GRIK1: variants seen among roughly 807,000 people sequenced by gnomAD.
The protein encoded by GRIK1 is glutamate receptor ionotropic, kainate 1.
GRIK1 carries 69 observed loss-of-function variants against 105.7 expected under a neutral mutation model. The observed-to-expected ratio is 0.65, with a 90% CI of 0.54 to 0.80. GRIK1 has a LOEUF of 0.80. GRIK1 is among the 30% of genes least tolerant of loss of function. The pLI is 0.00. For synonymous variants in GRIK1, 438 were observed against 431.3 expected (o/e 1.02, Z -0.19); for missense variants, 1,109 against 1,167.3 (o/e 0.95, Z 0.73).
chr21:29,846,261 GCCTGTAAT>G (rs1387485953), intron 1 of GRIK1, among the ~76,000 whole-genome samples: 1 of 151,586 alleles, frequency 6.6e-6, no homozygotes, highest in Non-Finnish European at 1.5e-5. Context: ...CGTGGCGCAT[GCCTGTAAT>G]CCCAGCTACT....
chr21:29,810,540 T>G (rs781308940), intron 1 of GRIK1, among the ~76,000 whole-genome samples: 1 of 152,146 alleles, frequency 6.6e-6, no homozygotes, highest in Non-Finnish European at 1.5e-5. Context: ...GTTCCCATTT[T>G]CCTTCTTTAA....
At chr21:29,813,397 G>T (rs892455307) in intron 1 of GRIK1, among the ~76,000 whole-genome samples, 4 of 152,116 alleles carry the variant, frequency 2.6e-5, no homozygotes, top group Admixed American at 6.6e-5. Context: ...CACCTAATTA[G>T]ATGAGTCCTC....
chr21:29,557,044 C>G (rs1941228890), intron 15 of GRIK1, among the ~76,000 whole-genome samples: 1 of 152,104 alleles, frequency 6.6e-6, no homozygotes, highest in Admixed American at 6.5e-5. Flanking sequence ...TGCCACTGAA[C>G]TTTTAATTAT....
At chr21:29,668,818 T>C (rs1170345279) in intron 4 of GRIK1, among the ~76,000 whole-genome samples, 2 of 152,116 alleles carry the variant, frequency 1.3e-5, no homozygotes, top group Non-Finnish European at 2.9e-5. Context: ...AGGGTGTATA[T>C]GAAGGATAAA....
intron 1 of GRIK1, among the ~76,000 whole-genome samples, chr21:29,808,117 AT>A (rs571541236): frequency 2.0e-5 from 3 of 152,142 alleles, no homozygotes; most frequent in Non-Finnish European, 4.4e-5. Context: ...AAGAGCCCAG[AT>A]TACCATTTTC....
intron 3 of GRIK1, among the ~76,000 whole-genome samples, chr21:29,684,758 C>G (rs1185528165): frequency 6.6e-6 from 1 of 152,140 alleles, no homozygotes; most frequent in African/African-American, 2.4e-5. Context: ...GATCCACCTG[C>G]CTTGGCCTTC....
intron 6 of GRIK1, among the ~76,000 whole-genome samples, chr21:29,643,725 G>A (rs963469933): frequency 5.9e-5 from 9 of 152,100 alleles, no homozygotes; most frequent in Non-Finnish European, 8.8e-5. Context: ...CTTCCCTGTG[G>A]TTTCCTTTAG....
intron 7 of GRIK1, among the ~76,000 whole-genome samples, chr21:29,612,804 GCTAT>G (rs1347626608): frequency 6.6e-6 from 1 of 152,104 alleles, no homozygotes; most frequent in African/African-American, 2.4e-5. Context: ...CCGCTAATAG[GCTAT>G]GCATTGATTT....
intron 1 of GRIK1, among the ~76,000 whole-genome samples, chr21:29,718,137 A>G (rs73354535): frequency 0.059 from 8,930 of 152,232 alleles, 447 homozygotes; most frequent in African/African-American, 0.12. Context: ...GCTAAACTAT[A>G]AGTCAATTAA....
chr21:29,594,821 G>A (rs574764844), intron 9 of GRIK1, among the ~76,000 whole-genome samples: 1 of 152,082 alleles, frequency 6.6e-6, no homozygotes, highest in Non-Finnish European at 1.5e-5. Flanking sequence ...CCTGTATTAC[G>A]AACCTTATAT....
At chr21:29,685,800 C>T (rs2063476860) in intron 3 of GRIK1, among the ~76,000 whole-genome samples, 2 of 152,190 alleles carry the variant, frequency 1.3e-5, no homozygotes, top group Non-Finnish European at 2.9e-5. Context: ...TTTCTCCTGA[C>T]CCCCGGTATC....
intron 4 of GRIK1, among the ~76,000 whole-genome samples, chr21:29,660,949 T>C (rs2062950733): frequency 6.6e-6 from 1 of 152,200 alleles, no homozygotes; most frequent in African/African-American, 2.4e-5. Context: ...CGAGCAGCAA[T>C]TTTAAGATGA....
At chr21:29,699,366 A>T (rs1378717035) in intron 1 of GRIK1, among the ~76,000 whole-genome samples, 1 of 152,158 alleles carries the variant, frequency 6.6e-6, no homozygotes, top group Non-Finnish European at 1.5e-5. Flanking sequence ...ACTGGGCCTT[A>T]TAAGAAGGGA....
intron 1 of GRIK1, among the ~76,000 whole-genome samples, chr21:29,927,913 CACACACATATACATATATAT>C (rs1378752994): frequency 1.3e-5 from 2 of 151,958 alleles, no homozygotes; most frequent in South Asian, 2.1e-4. Flanking sequence ...TATACATATA[CACACACATATACATATATAT>C]ACACACATAT....
At position 29,868,011 on chromosome 21, in the gene GRIK1, G is replaced by C. The variant is rs1438944384; in HGVS notation, c.118+71372C>G. On this transcript the variant is annotated intron_variant, in intron 1 of 17. Transcript: ENST00000327783. ...GGAGAGAAGGAGAGAAAGAAAGAAA[G>C]AAAAGACAGAAAGAAAGGAAGGAAG... is the stretch of plus-strand genomic sequence containing the variant. Among the ~76,000 whole-genome samples, 4 of 147,408 alleles carry C rather than the reference G, an allele frequency of 2.7e-5. 1 individual carries two copies. Among genetic ancestry groups the C allele is most frequent in the African/African-American group, 1.0e-4 (4 of 39,192 alleles).
intron 1 of GRIK1, among the ~76,000 whole-genome samples, chr21:29,884,341 G>T (rs373884553): frequency 3.3e-5 from 5 of 151,828 alleles, no homozygotes; most frequent in Non-Finnish European, 5.9e-5. Flanking sequence ...CTATCCTATC[G>T]TAAAATGTTT....
chr21:29,645,016 A>G (rs1439209198), intron 6 of GRIK1, among the ~76,000 whole-genome samples: 1 of 152,222 alleles, frequency 6.6e-6, no homozygotes, highest in Non-Finnish European at 1.5e-5. Flanking sequence ...CGTTAACCAT[A>G]AAGCTGTGCT....
At chr21:29,811,379 A>G (rs1264739698) in intron 1 of GRIK1, among the ~76,000 whole-genome samples, 2 of 152,146 alleles carry the variant, frequency 1.3e-5, no homozygotes, top group African/African-American at 4.8e-5. Flanking sequence ...GTTTCCTTTT[A>G]GGGATCACAT....
At chr21:29,815,749 C>T (rs141356424) in intron 1 of GRIK1, among the ~76,000 whole-genome samples, 1 of 152,064 alleles carries the variant, frequency 6.6e-6, no homozygotes, top group African/African-American at 2.4e-5. Context: ...TACTCAACAA[C>T]TATCACCGGT....
Sources: allele counts gnomAD v4.1 joint callset (sites outside exome capture counted in the v4.1 genomes callset), GRCh38; gene constraint gnomAD v4.1.1; transcripts MANE v1.5; gene names NCBI Gene and HGNC (gene_info 2026-07-23, HGNC 2026-07-21).